TSPEAR: variants seen among roughly 807,000 people sequenced by gnomAD.
The protein encoded by TSPEAR is thrombospondin type laminin G domain and EAR repeats.
A neutral mutation model predicts 71.6 loss-of-function variants in TSPEAR; 69 were observed. That is an observed-to-expected ratio of 0.96 (90% CI 0.79 to 1.18). The LOEUF (loss-of-function observed/expected upper bound fraction) is 1.18, where lower values mean the gene tolerates loss of function less well. TSPEAR is among the 50% of genes most tolerant of loss of function. The pLI, the probability that TSPEAR is intolerant of heterozygous loss-of-function variation, is 0.00. For missense variants in TSPEAR, 971 were observed against 894.9 expected, an observed-to-expected ratio of 1.09 and a Z score of -1.09; for synonymous variants, 402 against 387.2, an observed-to-expected ratio of 1.04 and a Z score of -0.45.
chr21:44,551,543 C>T (rs233241), intron 2 of TSPEAR: 318,210 of 1,172,164 alleles, frequency 0.27, 34,801 homozygotes, highest in East Asian at 0.46. Context: ...TGTGTGTGAG[C>T]CTGTTGGCTG....
At chr21:44,628,984 CAGA>C (rs1441165122) in intron 1 of TSPEAR, among the ~76,000 whole-genome samples, 2 of 152,160 alleles carry the variant, frequency 1.3e-5, no homozygotes, top group African/African-American at 4.8e-5. Flanking sequence ...GCGGCGATGA[CAGA>C]GGAGTCCCAG....
At chr21:44,530,837 G>T (rs2052954746) in intron 4 of TSPEAR, among the ~76,000 whole-genome samples, 1 of 152,232 alleles carries the variant, frequency 6.6e-6, no homozygotes, top group South Asian at 2.1e-4. Flanking sequence ...AGGACCGTTG[G>T]GCAGGGACCC....
intron 1 of TSPEAR, chr21:44,575,218 T>C (rs1978353809): frequency 9.6e-6 from 6 of 627,170 alleles, no homozygotes; most frequent in Non-Finnish European, 1.7e-5. Flanking sequence ...AAAGTTCCCA[T>C]GGCAGTGGCC....
At chr21:44,690,662 A>G in intron 1 of TSPEAR, 1 of 859,288 alleles carries the variant, frequency 1.2e-6, no homozygotes, top group Non-Finnish European at 1.4e-6. Flanking sequence ...AGCAGTAAAC[A>G]TGACAGCAAA....
chr21:44,622,765 A>G (rs1166224050), intron 1 of TSPEAR, among the ~76,000 whole-genome samples: 1 of 152,200 alleles, frequency 6.6e-6, no homozygotes, highest in Non-Finnish European at 1.5e-5. Flanking sequence ...CCCTATTTCT[A>G]TGTAAGGTCA....
chr21:44,599,102 C>T (rs1980565632), intron 1 of TSPEAR, among the ~76,000 whole-genome samples: 1 of 145,578 alleles, frequency 6.9e-6, no homozygotes, highest in East Asian at 2.1e-4. Context: ...GACATAGCTA[C>T]TTTGTCCCAT....
chr21:44,655,737 C>A lies in TSPEAR; in HGVS notation c.82+55696G>T, dbSNP rs1456624164. Among the ~76,000 whole-genome samples, 3 of 152,150 alleles carry A rather than the reference C, an allele frequency of 2.0e-5. No homozygotes were observed. The East Asian group carries it at 5.8e-4, about 29-fold the overall frequency. On this transcript the variant is annotated intron_variant, in intron 1 of 11. Coordinates refer to ENST00000323084, the MANE Select transcript of TSPEAR (RefSeq NM_144991.3). ...CCTCCTCACACTCCAGCTCTGTTCT[C>A]TTGATGGATTGGCCACAGCGCTTTA... is the stretch of plus-strand genomic sequence containing the variant.
At chr21:44,517,965 C>A in intron 9 of TSPEAR, 1 of 416,016 alleles carries the variant, frequency 2.4e-6, no homozygotes, top group Non-Finnish European at 4.9e-6. Flanking sequence ...TTTTCTAGAA[C>A]TTTGGTTAGC....
chr21:44,707,927 C>T (rs1455851653), intron 1 of TSPEAR, among the ~76,000 whole-genome samples: 4 of 151,878 alleles, frequency 2.6e-5, no homozygotes, highest in Admixed American at 6.6e-5. Flanking sequence ...CCACCCTTCC[C>T]GGAGCCCTGG....
intron 1 of TSPEAR, chr21:44,575,024 C>G: frequency 6.3e-7 from 1 of 1,589,878 alleles, no homozygotes; most frequent in South Asian, 1.2e-5. Context: ...AGCCCAGCTG[C>G]TGATGGACAC....
chr21:44,601,466 G>T, intron 1 of TSPEAR: 1 of 1,610,900 alleles, frequency 6.2e-7, no homozygotes. Context: ...GTCTGCTCTG[G>T]GGCTTCCACT....
At chr21:44,647,494 C>G in intron 1 of TSPEAR, 1 of 1,033,140 alleles carries the variant, frequency 9.7e-7, no homozygotes, top group Middle Eastern at 2.2e-4. Flanking sequence ...ATTTTGAGCG[C>G]GTCACACTTT....
chr21:44,688,721 A>G (rs1439158822), intron 1 of TSPEAR, among the ~76,000 whole-genome samples: 13 of 152,216 alleles, frequency 8.5e-5, no homozygotes, highest in Admixed American at 7.8e-4. Flanking sequence ...AGAAAAAAAA[A>G]TGAAAAGGAA....
chr21:44,515,845 G>A (rs2052550112), intron 9 of TSPEAR: 2 of 152,278 alleles, frequency 1.3e-5, no homozygotes, highest in African/African-American at 4.8e-5. Flanking sequence ...GTCATTTCAT[G>A]AAGAGCAGGT....
At chr21:44,557,947 A>G in intron 2 of TSPEAR, 3 of 1,322,010 alleles carry the variant, frequency 2.3e-6, no homozygotes, top group African/African-American at 1.5e-5. Flanking sequence ...CTGGAGGTGC[A>G]GTGGCTATGG....
chr21:44,698,080 C>T (rs1330997092), intron 1 of TSPEAR: 7 of 1,036,216 alleles, frequency 6.8e-6, no homozygotes, highest in Non-Finnish European at 9.8e-6. Flanking sequence ...GCGTGCACAG[C>T]CTCTCTTCCC....
At chr21:44,703,515 G>A (rs570408053) in intron 1 of TSPEAR, among the ~76,000 whole-genome samples, 1 of 152,352 alleles carries the variant, frequency 6.6e-6, no homozygotes, top group African/African-American at 2.4e-5. Context: ...TGCAGGCACA[G>A]CTGAAGCTGA....
chr21:44,573,767 C>G, intron 1 of TSPEAR: 5 of 1,613,822 alleles, frequency 3.1e-6, no homozygotes, highest in Non-Finnish European at 3.4e-6. Flanking sequence ...CCATGTCCGT[C>G]TGCTCCAGCG....
chr21:44,532,816 G>A (rs1406898159), intron 3 of TSPEAR, among the ~76,000 whole-genome samples: 1 of 152,170 alleles, frequency 6.6e-6, no homozygotes, highest in Non-Finnish European at 1.5e-5. Context: ...AACGAGAAAC[G>A]AACTCGGCTT....
Sources: gnomAD v4.1 joint callset for allele counts (sites outside exome capture counted in the v4.1 genomes callset) on GRCh38, gnomAD v4.1.1 for gene constraint, MANE v1.5 for transcripts, NCBI Gene and HGNC (gene_info 2026-07-23, HGNC 2026-07-21) for gene names.